Variants in ITGBL1 observed in about 807,000 individuals in gnomAD.
ITGBL1 encodes integrin beta-like protein 1.
ITGBL1 carries 51 observed loss-of-function variants against 68.5 expected under a neutral mutation model. The observed-to-expected ratio is 0.74, with a 90% confidence interval of 0.59 to 0.94. ITGBL1 has a LOEUF of 0.94. Among genes scored for constraint, ITGBL1 ranks in the 40% least tolerant of loss-of-function variants. The pLI is 0.00. For synonymous variants in ITGBL1, 209 were observed against 227.3 expected (o/e 0.92, Z 0.72); for missense variants, 649 against 647.4 (o/e 1.00, Z -0.03).
chr13:101,590,138 C>T (rs577613587), intron 6 of ITGBL1, among the ~76,000 whole-genome samples: 1 of 152,274 alleles, frequency 6.6e-6, no homozygotes, highest in African/African-American at 2.4e-5. Context: ...ATTATTAAGG[C>T]TTCCACAGCT....
chr13:101,602,761 A>C (rs1229670506), intron 7 of ITGBL1, among the ~76,000 whole-genome samples: 1 of 151,992 alleles, frequency 6.6e-6, no homozygotes, highest in Non-Finnish European at 1.5e-5. Context: ...GGAAACCACC[A>C]ATCTACTTTG....
At chr13:101,689,043 G>GA (rs3063753) in intron 7 of ITGBL1, among the ~76,000 whole-genome samples, 13 of 146,902 alleles carry the variant, frequency 8.8e-5, no homozygotes, top group South Asian at 2.3e-4. Context: ...ACTAAAAATA[G>GA]AAAAAAAAAA....
At chr13:101,586,086 G>A (rs555069802) in intron 6 of ITGBL1, among the ~76,000 whole-genome samples, 4 of 152,276 alleles carry the variant, frequency 2.6e-5, no homozygotes, top group South Asian at 4.1e-4. Context: ...TTCCCGCAGC[G>A]TGTCATTTAG....
chr13:101,626,607 G>C (rs1333169552), intron 7 of ITGBL1, among the ~76,000 whole-genome samples: 1 of 151,978 alleles, frequency 6.6e-6, no homozygotes, highest in Non-Finnish European at 1.5e-5. Context: ...ATATATGATG[G>C]CCTTTTTCAG....
At chr13:101,636,557 A>G (rs2032176523) in intron 7 of ITGBL1, among the ~76,000 whole-genome samples, 1 of 152,176 alleles carries the variant, frequency 6.6e-6, no homozygotes, top group South Asian at 2.1e-4. Context: ...TTTTTAATGA[A>G]CAGAACTATT....
intron 2 of ITGBL1, among the ~76,000 whole-genome samples, chr13:101,474,335 G>A (rs2048505045): frequency 6.6e-6 from 1 of 152,138 alleles, no homozygotes; most frequent in African/African-American, 2.4e-5. Flanking sequence ...CTTTCTGACT[G>A]AGGAAAGGAG....
intron 7 of ITGBL1, among the ~76,000 whole-genome samples, chr13:101,615,639 G>C (rs1386129218): frequency 6.6e-6 from 1 of 151,956 alleles, no homozygotes; most frequent in Non-Finnish European, 1.5e-5. Flanking sequence ...TTACAAAAGA[G>C]ACCCCAGAGT....
intron 9 of ITGBL1, chr13:101,713,270 C>G (rs1269906447): frequency 6.6e-6 from 1 of 152,180 alleles, no homozygotes; most frequent in Non-Finnish European, 1.5e-5. Flanking sequence ...TTTTCCTGAT[C>G]ACTTTAATCA....
chr13:101,579,291 TG>T lies in ITGBL1; in HGVS notation c.594del (p.Lys199SerfsTer208). The T allele has an allele frequency of 1.2e-6, 2 of 1,613,564 alleles. No individual in the cohort carries two copies. Among genetic ancestry groups the T allele is most frequent in the South Asian group, 2.2e-5 (2 of 91,032 alleles). ...TAAAATTCATTTTGGGTAAAGGCCA[TG>T]GGAAGTGTTACTGTGGAAACTGCTA... ...DETEEICGGH[G>X]KCYCGNCYCK... is the part of the protein sequence containing the mutation. On this transcript the variant is annotated frameshift_variant, in exon 5 of 11. Transcript: ENST00000376180. LOFTEE classifies it high-confidence loss of function.
At chr13:101,538,795 T>C (rs1174036621) in intron 2 of ITGBL1, among the ~76,000 whole-genome samples, 4 of 152,160 alleles carry the variant, frequency 2.6e-5, no homozygotes, top group African/African-American at 9.6e-5. Context: ...AGTTCTTTTT[T>C]AAAAGGATTT....
At chr13:101,493,402 CTT>C (rs2139066045) in intron 2 of ITGBL1, among the ~76,000 whole-genome samples, 1 of 151,754 alleles carries the variant, frequency 6.6e-6, no homozygotes, top group South Asian at 2.1e-4. Context: ...GTCATGTACT[CTT>C]ATTACGATTC....
intron 2 of ITGBL1, among the ~76,000 whole-genome samples, chr13:101,468,736 G>A (rs922428493): frequency 2.0e-5 from 3 of 152,184 alleles, no homozygotes; most frequent in Non-Finnish European, 4.4e-5. Context: ...TGGTAAGAAA[G>A]TACTGGGCAA....
At chr13:101,588,746 G>T (rs1594908710) in intron 6 of ITGBL1, among the ~76,000 whole-genome samples, 1 of 149,224 alleles carries the variant, frequency 6.7e-6, no homozygotes, top group East Asian at 2.0e-4. Flanking sequence ...GGGTTTTCAT[G>T]CTAAATAGAT....
At chr13:101,718,946 A>G (rs2034823235), downstream of ITGBL1, 1 of 152,090 alleles carries the variant, frequency 6.6e-6, no homozygotes, top group African/African-American at 2.4e-5. Flanking sequence ...AAGACCATGT[A>G]CATCCTGGAT....
intron 7 of ITGBL1, among the ~76,000 whole-genome samples, chr13:101,604,845 AATATATATATAT>A (rs1555361671): frequency 4.4e-4 from 13 of 29,368 alleles, no homozygotes; most frequent in African/African-American, 1.3e-3. Context: ...AGGTGAAGGC[AATATATATATAT>A]ATATATATAT....
intron 7 of ITGBL1, among the ~76,000 whole-genome samples, chr13:101,604,891 C>CATACAT (rs2030631271): frequency 1.4e-5 from 1 of 73,406 alleles, no homozygotes; most frequent in South Asian, 4.2e-4. Context: ...TATATATACA[C>CATACAT]ACACACACAC....
chr13:101,478,219 A>G (rs2048564991), intron 2 of ITGBL1, among the ~76,000 whole-genome samples: 1 of 152,170 alleles, frequency 6.6e-6, no homozygotes, highest in Non-Finnish European at 1.5e-5. Flanking sequence ...ATATCAGCAG[A>G]ATGAAGGACA....
intron 2 of ITGBL1, among the ~76,000 whole-genome samples, chr13:101,531,790 T>C (rs1236676990): frequency 1.3e-5 from 2 of 151,890 alleles, no homozygotes; most frequent in East Asian, 3.9e-4. Context: ...TGGGGTGCAG[T>C]GGTGCGATCT....
chr13:101,468,170 T>G (rs944488597), intron 2 of ITGBL1, among the ~76,000 whole-genome samples: 40 of 152,200 alleles, frequency 2.6e-4, no homozygotes, highest in Admixed American at 6.5e-5. Context: ...TATAGACTAT[T>G]TTCTTTTCTT....
Sources: gnomAD v4.1 joint callset for allele counts (sites outside exome capture counted in the v4.1 genomes callset) on GRCh38, gnomAD v4.1.1 for gene constraint, MANE v1.5 for transcripts, NCBI Gene and HGNC (gene_info 2026-07-23, HGNC 2026-07-21) for gene names.